ATP2A2: variants seen among roughly 807,000 people sequenced by gnomAD.
The protein encoded by ATP2A2 is ATPase sarcoplasmic/endoplasmic reticulum Ca2+ transporting 2.
In ATP2A2, 14 loss-of-function variants were observed where a neutral mutation model predicts 109.3. That is an observed-to-expected ratio of 0.13 (90% CI 0.08 to 0.20). The LOEUF is 0.20. Among genes scored for constraint, ATP2A2 ranks in the 10% least tolerant of loss-of-function variants. The probability of loss-of-function intolerance (pLI) is 1.00; values close to 1 mark genes in which losing one functional copy is unlikely to be tolerated. For synonymous variants in ATP2A2, 506 were observed against 490.9 expected, an observed-to-expected ratio of 1.03 and a Z score of -0.41; for missense variants, 657 against 1,321.6, an observed-to-expected ratio of 0.50 and a Z score of 7.80.
intron 3 of ATP2A2, among the ~76,000 whole-genome samples, chr12:110,286,592 T>C (rs115912679): frequency 1.3e-3 from 194 of 152,310 alleles, no homozygotes; most frequent in African/African-American, 4.6e-3. Context: ...CATGCTTTTT[T>C]TTCCGTTTTA....
intron 5 of ATP2A2, among the ~76,000 whole-genome samples, chr12:110,317,138 T>C (rs1167497059): frequency 3.3e-5 from 5 of 152,150 alleles, no homozygotes; most frequent in Admixed American, 3.3e-4. Flanking sequence ...ACTACAAAAT[T>C]TATGACTCAA....
At position 110,347,743 on chromosome 12, in the gene ATP2A2, C is replaced by CCTAA. The variant is rs1880017653; in HGVS notation, c.*1276_*1279dup. ...CAACAGTGTGTAAGTCATTAACAGT[C>CCTAA]CTAACTGTGGTGTTTTCCTCCAATG... On this transcript the variant is annotated 3_prime_UTR_variant, in exon 20 of 20. Coordinates refer to ENST00000539276, the MANE Select transcript of ATP2A2 (RefSeq NM_170665.4). 4.6e-6 allele frequency: 5 copies of CCTAA among 1,096,112 alleles called. No homozygotes were observed. Among genetic ancestry groups the CCTAA allele is most frequent in the African/African-American group, 3.3e-5 (2 of 60,438 alleles). The allele number at this position is 1,096,112 out of a possible 1,614,324, so 67.9% of individuals were successfully genotyped here. A position where few individuals can be genotyped will look rare whatever the true frequency, so the allele number is the denominator to read the frequency against.
At chr12:110,312,824 T>A in intron 5 of ATP2A2, among the ~76,000 whole-genome samples, 1 of 141,792 alleles carries the variant, frequency 7.1e-6, no homozygotes, top group Non-Finnish European at 1.5e-5. Context: ...CATTCCACCC[T>A]GAGGGACAGA....
At chr12:110,304,317 A>G (rs1342858188) in intron 5 of ATP2A2, among the ~76,000 whole-genome samples, 1 of 152,190 alleles carries the variant, frequency 6.6e-6, no homozygotes, top group Non-Finnish European at 1.5e-5. Flanking sequence ...GCATGGAATT[A>G]TGGGGCCTAT....
Position 110,346,073 on chromosome 12 carries a change from G to A in ATP2A2, c.2814G>A (p.Leu938=). ...ENIWLVGSIC[L]SMSLHFLILY... is the part of the protein sequence containing the mutation. ...TCTGGCTCGTGGGCTCCATCTGCCT[G>A]TCCATGTCACTCCACTTCCTGATCC... Residue 938 remains leucine (L), a synonymous_variant, in exon 19 of 20, where the codon CTG becomes CTA. Transcript: ENST00000539276. The A allele has an allele frequency of 6.2e-7, 1 of 1,614,154 alleles. No homozygotes were observed. Among genetic ancestry groups the A allele is most frequent in the Non-Finnish European group, 8.5e-7 (1 of 1,180,032 alleles).
At position 110,347,036 on chromosome 12, in the gene ATP2A2, C is replaced by CACA; in HGVS notation, c.*566_*567insACA. ...CTCCGTTCACCCCACCCCACCCCAC[C>CACA]TCTCCCCACCTTACCCCCGCCCCGC... On this transcript the variant is annotated 3_prime_UTR_variant, in exon 20 of 20. Coordinates refer to ENST00000539276, the MANE Select transcript of ATP2A2 (RefSeq NM_170665.4). The CACA allele has an allele frequency of 9.5e-7, 1 of 1,048,844 alleles. No homozygotes were observed. The highest frequency in any genetic ancestry group is 8.3e-5 in the East Asian group (1 of 12,094). 65.0% of individuals were successfully genotyped at this position (1,048,844 alleles called of 1,614,324 possible).
rs113375821 is a variant in ATP2A2, at chr12:110,295,063, C to T, written c.325-1536C>T. ...CGCACTCCCAACCTCAGGCGATCCG[C>T]CCACCTCAGCCTCCCAAAGTGCCGG... On this transcript the variant is annotated intron_variant, in intron 4 of 19. Transcript: ENST00000539276. Among the ~76,000 whole-genome samples, 261 of 152,338 alleles carry T rather than the reference C, an allele frequency of 1.7e-3. 1 individual carries two copies. The highest frequency in any genetic ancestry group is 5.9e-3 in the African/African-American group (245 of 41,574).
In ATP2A2 at chr12:110,345,385, T is replaced by A. The variant is rs776604643; in HGVS notation, c.2741+3T>A. 3 of 1,614,102 alleles carry A rather than the reference T, an allele frequency of 1.9e-6. No individual in the cohort carries two copies. Among genetic ancestry groups the A allele is most frequent in the Non-Finnish European group, 2.5e-6 (3 of 1,180,034 alleles). On this transcript the variant is annotated splice_donor_region_variant and intron_variant, in intron 18 of 19. Transcript: ENST00000539276. ...GAAATGTGTAACGCCCTCAACAGGTTAGTGCACCTTCACGGCAGGCTGAGG... is the reference window on the plus strand; with the variant it reads ...GAAATGTGTAACGCCCTCAACAGGTAAGTGCACCTTCACGGCAGGCTGAGG...
chr12:110,332,696 C>T lies in ATP2A2; in HGVS notation c.1184+11C>T, dbSNP rs1227864255. The T allele has an allele frequency of 6.3e-7, 1 of 1,589,632 alleles. No homozygotes were observed. Among genetic ancestry groups the T allele is most frequent in the East Asian group, 2.2e-5 (1 of 44,748 alleles). On this transcript the variant is annotated intron_variant, in intron 9 of 19. Coordinates refer to ENST00000539276, the MANE Select transcript of ATP2A2 (RefSeq NM_170665.4). ...ACCTATTGGAGAAGTGTGAGTAACC[C>T]TCCTCCTCATTTAAAGGATCTGGTG...
chr12:110,293,477 C>G, intron 4 of ATP2A2, among the ~76,000 whole-genome samples: 1 of 150,614 alleles, frequency 6.6e-6, no homozygotes, highest in African/African-American at 2.5e-5. Context: ...TCACTGCAAC[C>G]TCCACTTCCC....
At chr12:110,338,991 C>A (rs1196134747) in intron 11 of ATP2A2, among the ~76,000 whole-genome samples, 1 of 152,172 alleles carries the variant, frequency 6.6e-6, no homozygotes, top group Non-Finnish European at 1.5e-5. Context: ...CCCATGGGGC[C>A]ATCTTTATTC....
chr12:110,313,249 C>T (rs1410614294), intron 5 of ATP2A2, among the ~76,000 whole-genome samples: 1 of 151,140 alleles, frequency 6.6e-6, no homozygotes, highest in Non-Finnish European at 1.5e-5. Flanking sequence ...TTCATTCTTG[C>T]TACTGAGATG....
chr12:110,291,480 A>G (rs1873288759), intron 3 of ATP2A2, among the ~76,000 whole-genome samples: 1 of 152,160 alleles, frequency 6.6e-6, no homozygotes, highest in African/African-American at 2.4e-5. Flanking sequence ...TGTTGGGATT[A>G]CAGGTGTGAG....
chr12:110,305,373 C>T (rs965748627), intron 5 of ATP2A2, among the ~76,000 whole-genome samples: 18 of 152,156 alleles, frequency 1.2e-4, no homozygotes, highest in Non-Finnish European at 2.6e-4. Context: ...CCACTGTCCT[C>T]CACCCTAGGC....
Position 110,281,597 on chromosome 12 carries a change from G to A in ATP2A2, c.-193G>A. On this transcript the variant is annotated 5_prime_UTR_variant, in exon 1 of 20. Transcript: ENST00000539276. ...CGCCCTGCGGAGCTCGGGGCCGCGCGAGGGGCGGTTGTCTGGGGGAGGGGG... is the reference window on the plus strand; with the variant it reads ...CGCCCTGCGGAGCTCGGGGCCGCGCAAGGGGCGGTTGTCTGGGGGAGGGGG... 2.8e-6 allele frequency: 1 copy of A among 361,772 alleles called. No individual in the cohort carries two copies. The highest frequency in any genetic ancestry group is 5.5e-5 in the South Asian group (1 of 18,212). 22.4% of individuals were successfully genotyped at this position (361,772 alleles called of 1,614,324 possible).
In ATP2A2 at chr12:110,350,218, T is replaced by G. The variant is rs1482749350; in HGVS notation, c.*3748T>G. On this transcript the variant is annotated 3_prime_UTR_variant, in exon 20 of 20. Transcript: ENST00000539276. ...TTTCATCTGTCGCTGTTGATCTTCA[T>G]CTATTTAAATAGGTATTCTAACGTT... The G allele has an allele frequency of 1.9e-6, 3 of 1,613,796 alleles. No homozygotes were observed. In the African/African-American group the frequency reaches 4.0e-5, roughly 22 times the overall value.
At position 110,342,637 on chromosome 12, in the gene ATP2A2, C is replaced by T. The variant is rs1879466331; in HGVS notation, c.2318+189C>T. Among the ~76,000 whole-genome samples the T allele has an allele frequency of 6.6e-6, 1 of 152,198 alleles. No homozygotes were observed. The highest frequency in any genetic ancestry group is 1.5e-5 in the Non-Finnish European group (1 of 68,046). ...CTTTGGCCCTCGGGAGGGTTGTCTG[C>T]AGCTGCCCCAATGTGCAAAGAATCC... is the stretch of plus-strand genomic sequence containing the variant. On this transcript the variant is annotated intron_variant, in intron 15 of 19. Transcript: ENST00000539276. The surrounding 1 kb of genome is among the most constrained non-coding windows in gnomAD (Gnocchi z 4.6).
intron 16 of ATP2A2, 107 bp downstream of exon 16, chr12:110,343,541 G>A: frequency 1.5e-6 from 2 of 1,308,192 alleles, no homozygotes; most frequent in Non-Finnish European, 2.2e-6. Flanking sequence ...TCCCCGTATA[G>A]GGTAGCAAAA....
chr12:110,301,094 T>G (rs1874584835), intron 5 of ATP2A2, among the ~76,000 whole-genome samples: 2 of 152,042 alleles, frequency 1.3e-5, no homozygotes, highest in South Asian at 4.2e-4. Context: ...CTCAAACTCC[T>G]GGCCTCAAGT....
Sources: gnomAD v4.1 joint callset for allele counts (sites outside exome capture counted in the v4.1 genomes callset) on GRCh38, gnomAD v4.1.1 for gene constraint, Gnocchi (gnomAD v3.1) non-coding constraint, MANE v1.5 for transcripts, NCBI Gene and HGNC (gene_info 2026-07-23, HGNC 2026-07-21) for gene names.